Variants in RALYL observed in about 807,000 individuals in gnomAD.
RALYL encodes RALY RNA binding protein like.
RALYL carries 29 observed loss-of-function variants against 35.1 expected under a neutral mutation model. The observed-to-expected ratio is 0.83, with a 90% CI of 0.61 to 1.13. The LOEUF (loss-of-function observed/expected upper bound fraction) is 1.13, where lower values mean the gene tolerates loss of function less well. RALYL is among the 50% of genes most tolerant of loss of function. The pLI is 0.00. For missense variants in RALYL, 359 were observed against 360.4 expected, an observed-to-expected ratio of 1.00 and a Z score of 0.03; for synonymous variants, 120 against 127.6, an observed-to-expected ratio of 0.94 and a Z score of 0.40.
intron 2 of RALYL, among the ~76,000 whole-genome samples, chr8:84,583,097 C>A (rs1811209827): frequency 6.6e-6 from 1 of 152,034 alleles, no homozygotes; most frequent in Non-Finnish European, 1.5e-5. Context: ...TCTTCATTTT[C>A]CTGGTTCAAA....
intron 2 of RALYL, among the ~76,000 whole-genome samples, chr8:84,607,965 C>T (rs750591061): frequency 2.0e-5 from 3 of 150,990 alleles, no homozygotes; most frequent in Non-Finnish European, 4.4e-5. Context: ...AGTACTCAAT[C>T]GAGTTGCTGT....
At chr8:84,700,552 G>A (rs16913137) in intron 2 of RALYL, among the ~76,000 whole-genome samples, 10,575 of 152,014 alleles carry the variant, frequency 0.07, 871 homozygotes, top group African/African-American at 0.2. Flanking sequence ...TCTGGAAATC[G>A]TTATTTTTCC....
intron 2 of RALYL, among the ~76,000 whole-genome samples, chr8:84,710,537 G>T (rs1378862941): frequency 2.0e-5 from 3 of 149,116 alleles, no homozygotes; most frequent in African/African-American, 7.8e-5. Context: ...CCTGACCTCA[G>T]GTGATCTGCC....
intron 1 of RALYL, among the ~76,000 whole-genome samples, chr8:84,324,698 T>C (rs946074327): frequency 2.0e-5 from 3 of 151,988 alleles, no homozygotes; most frequent in African/African-American, 7.3e-5. Context: ...ATTATGGAAT[T>C]ATTACTGCTT....
chr8:84,480,899 T>C (rs149709293), intron 1 of RALYL, among the ~76,000 whole-genome samples: 2 of 152,246 alleles, frequency 1.3e-5, no homozygotes, highest in East Asian at 1.9e-4. Context: ...GCTCATAAAA[T>C]AGAGATATTC....
intron 1 of RALYL, among the ~76,000 whole-genome samples, chr8:84,501,544 A>G (rs945940168): frequency 5.3e-5 from 8 of 152,186 alleles, no homozygotes; most frequent in Admixed American, 5.2e-4. Flanking sequence ...AGATATAAAC[A>G]TAATATATAT....
chr8:84,224,170 G>T (rs1331839525), intron 1 of RALYL, among the ~76,000 whole-genome samples: 4 of 152,240 alleles, frequency 2.6e-5, no homozygotes, highest in Non-Finnish European at 5.9e-5. Flanking sequence ...GGGGCAAAAT[G>T]GTCATATGCT....
chr8:84,581,688 G>T (rs1296389618), intron 2 of RALYL, among the ~76,000 whole-genome samples: 1 of 152,094 alleles, frequency 6.6e-6, no homozygotes, highest in South Asian at 2.1e-4. Context: ...TTTCTCTTTT[G>T]TAATGTAGGT....
chr8:84,260,016 G>A (rs1203903997), intron 1 of RALYL, among the ~76,000 whole-genome samples: 1 of 152,124 alleles, frequency 6.6e-6, no homozygotes, highest in Non-Finnish European at 1.5e-5. Flanking sequence ...AAAACTGACT[G>A]TGTATTTTAT....
chr8:84,384,593 A>T (rs1373138814), intron 1 of RALYL, among the ~76,000 whole-genome samples: 1 of 151,682 alleles, frequency 6.6e-6, no homozygotes, highest in African/African-American at 2.4e-5. Flanking sequence ...CCTTTCTCCC[A>T]TATTACATGG....
At chr8:84,512,857 G>T (rs190697840) in intron 1 of RALYL, among the ~76,000 whole-genome samples, 26 of 152,120 alleles carry the variant, frequency 1.7e-4, no homozygotes, top group Non-Finnish European at 1.5e-4. Flanking sequence ...ATTTATTTCT[G>T]GGTTATCAAT....
chr8:84,207,732 AC>A (rs571126190), intron 1 of RALYL, among the ~76,000 whole-genome samples: 1 of 150,632 alleles, frequency 6.6e-6, no homozygotes, highest in African/African-American at 2.4e-5. Context: ...ACCAACCCCC[AC>A]CCCCCAGGAA....
intron 2 of RALYL, among the ~76,000 whole-genome samples, chr8:84,711,337 T>G (rs1842151595): frequency 6.6e-6 from 1 of 152,198 alleles, no homozygotes; most frequent in African/African-American, 2.4e-5. Context: ...TCTAAGTGAC[T>G]TGTGCAATAA....
intron 1 of RALYL, among the ~76,000 whole-genome samples, chr8:84,478,395 G>A (rs993206803): frequency 2.0e-5 from 3 of 152,138 alleles, no homozygotes; most frequent in Admixed American, 1.3e-4. Flanking sequence ...ACAGAAGGCA[G>A]CAATTGAGCT....
chr8:84,233,279 T>C (rs571114807), intron 1 of RALYL, among the ~76,000 whole-genome samples: 6 of 152,318 alleles, frequency 3.9e-5, no homozygotes, highest in African/African-American at 1.2e-4. Flanking sequence ...ATTCATCCTA[T>C]ATTTACATTT....
intron 1 of RALYL, among the ~76,000 whole-genome samples, chr8:84,502,649 C>G (rs2056801310): frequency 6.6e-6 from 1 of 151,710 alleles, no homozygotes; most frequent in South Asian, 2.1e-4. Context: ...ATTTTTCTTC[C>G]TGTGTGTTTT....
At chr8:84,571,115 T>C (rs111320411) in intron 2 of RALYL, among the ~76,000 whole-genome samples, 3 of 151,820 alleles carry the variant, frequency 2.0e-5, no homozygotes, top group African/African-American at 7.2e-5. Flanking sequence ...CTTTTTTGTC[T>C]GATTTTGGTA....
At chr8:84,195,439 A>G (rs534380776) in intron 1 of RALYL, among the ~76,000 whole-genome samples, 62 of 152,250 alleles carry the variant, frequency 4.1e-4, no homozygotes, top group African/African-American at 1.2e-3. Flanking sequence ...ACTCCATCTC[A>G]AAAAAATAAA....
chr8:84,626,942 G>A (rs114731317), intron 2 of RALYL, among the ~76,000 whole-genome samples: 1,815 of 152,220 alleles, frequency 0.012, 42 homozygotes, highest in African/African-American at 0.04. Flanking sequence ...TGACAGACCA[G>A]TCAATTAAAC....
Sources: gnomAD v4.1 joint callset for allele counts (sites outside exome capture counted in the v4.1 genomes callset) on GRCh38, gnomAD v4.1.1 for gene constraint, MANE v1.5 for transcripts, NCBI Gene and HGNC (gene_info 2026-07-23, HGNC 2026-07-21) for gene names.